Variants in PDPK1 observed in about 807,000 individuals in gnomAD.
PDPK1 encodes 3-phosphoinositide dependent protein kinase 1, also known as 3-phosphoinositide-dependent protein kinase 1.
Under a neutral mutation model 39.8 loss-of-function variants are expected in PDPK1, and 7 were observed. That is an observed-to-expected ratio of 0.18 (90% CI 0.10 to 0.33). The LOEUF is 0.33. Among genes scored for constraint, PDPK1 ranks in the 10% least tolerant of loss-of-function variants. The pLI, the probability that PDPK1 is intolerant of heterozygous loss-of-function variation, is 1.00. For missense variants in PDPK1, 182 were observed against 384.7 expected, an observed-to-expected ratio of 0.47 and a Z score of 4.41; for synonymous variants, 118 against 159.1, an observed-to-expected ratio of 0.74 and a Z score of 1.95.
Position 2,599,777 on chromosome 16 carries a change from A to T in PDPK1, c.*2010A>T, listed in dbSNP as rs1362861079. 8.6e-6 allele frequency: 2 copies of T among 233,608 alleles called. No homozygotes were observed. Among genetic ancestry groups the T allele is most frequent in the African/African-American group, 4.4e-5 (2 of 45,374 alleles). The allele number at this position is 233,608 out of a possible 1,614,324, so 14.5% of individuals were successfully genotyped here. On this transcript the variant is annotated 3_prime_UTR_variant, in exon 14 of 14. Coordinates refer to ENST00000342085, the MANE Select transcript of PDPK1 (RefSeq NM_002613.5). ...CTCCATGTAGGAGAGTGGCTCTCTC[A>T]GATCTCTCAGGGCGTCTGGTTATAG...
At chr16:2,556,322 A>T (rs2066493753) in intron 1 of PDPK1, among the ~76,000 whole-genome samples, 1 of 147,866 alleles carries the variant, frequency 6.8e-6, no homozygotes, top group African/African-American at 2.6e-5. Context: ...CATGGGCTGA[A>T]GTGATCCACC....
rs557285323 is a variant in PDPK1 at position 2,602,796 on chromosome 16, T to A, written c.*5029T>A. On this transcript the variant is annotated 3_prime_UTR_variant, in exon 14 of 14. Coordinates refer to ENST00000342085, the MANE Select transcript of PDPK1 (RefSeq NM_002613.5). ...ACAAAGCAAAAATTAAAAGAACTTA[T>A]GAAAACAAATGCAATGATACTAGGA... is the stretch of plus-strand genomic sequence containing the variant. 4.3e-6 allele frequency: 1 copy of A among 234,260 alleles called. No homozygotes were observed. Among genetic ancestry groups the A allele is most frequent in the Non-Finnish European group, 8.5e-6 (1 of 117,864 alleles). The allele number at this position is 234,260 out of a possible 1,614,324, so 14.5% of individuals were successfully genotyped here.
At chr16:2,577,841 C>T (rs1597052017) in intron 7 of PDPK1, among the ~76,000 whole-genome samples, 1 of 149,300 alleles carries the variant, frequency 6.7e-6, no homozygotes, top group East Asian at 2.0e-4. Flanking sequence ...CGGGTTCAAG[C>T]AATTCTCCTG....
At chr16:2,579,835 C>G (rs2066787704) in intron 7 of PDPK1, 1 of 146,950 alleles carries the variant, frequency 6.8e-6, no homozygotes, top group South Asian at 2.3e-4. Flanking sequence ...CGCCTGTAGG[C>G]CCAGTTACTC....
At chr16:2,538,229 C>G (rs902660128) in intron 1 of PDPK1, 93 bp downstream of exon 1, 1 of 633,152 alleles carries the variant, frequency 1.6e-6, no homozygotes, top group Non-Finnish European at 2.0e-6. Context: ...GGCCCGGGGT[C>G]CCGAGGGCCG....
chr16:2,589,566 T>G (rs1386924428), intron 11 of PDPK1, among the ~76,000 whole-genome samples: 1 of 151,958 alleles, frequency 6.6e-6, no homozygotes, highest in East Asian at 1.9e-4. Context: ...TGCACACCTG[T>G]AGTCCTAGCT....
intron 12 of PDPK1, among the ~76,000 whole-genome samples, chr16:2,596,278 G>A (rs2067100141): frequency 6.6e-6 from 1 of 152,120 alleles, no homozygotes; most frequent in Non-Finnish European, 1.5e-5. Context: ...TGCAAGCTCC[G>A]CCTCCCAGGT....
chr16:2,546,551 C>G (rs1305158332), intron 1 of PDPK1, among the ~76,000 whole-genome samples: 2 of 152,186 alleles, frequency 1.3e-5, no homozygotes, highest in Non-Finnish European at 2.9e-5. Context: ...CCAGGCTGGT[C>G]TTGAACTCCT....
chr16:2,577,926 A>G (rs1033342630), intron 7 of PDPK1, among the ~76,000 whole-genome samples: 1 of 147,676 alleles, frequency 6.8e-6, no homozygotes, highest in African/African-American at 2.6e-5. Context: ...TTTGGTAGAG[A>G]CGGGGTTTCA....
intron 10 of PDPK1, 80 bp from the exon 11 acceptor site, chr16:2,586,596 G>A (rs544661509): frequency 1.9e-5 from 24 of 1,243,026 alleles, no homozygotes; most frequent in African/African-American, 1.9e-4. Context: ...GCCTGACAGC[G>A]GCAGTGCGGG....
intron 11 of PDPK1, among the ~76,000 whole-genome samples, chr16:2,590,985 C>T (rs929476204): frequency 5.0e-5 from 7 of 139,938 alleles, no homozygotes; most frequent in South Asian, 2.3e-4. Context: ...GTTTTTGAAA[C>T]GGAGTCTCAT....
intron 11 of PDPK1, chr16:2,592,973 C>G (rs1468780997): frequency 6.6e-6 from 3 of 456,582 alleles, no homozygotes; most frequent in African/African-American, 4.0e-5. Flanking sequence ...TTCAGTGTCC[C>G]TGGCATGGGT....
In PDPK1 at chr16:2,552,392, T is replaced by C. The variant is rs1286162668; in HGVS notation, c.25-5311T>C. 2.6e-5 allele frequency among the ~76,000 whole-genome samples: 4 copies of C among 151,694 alleles called. No individual in the cohort carries two copies. The South Asian group carries it at 6.3e-4, about 24-fold the overall frequency. On this transcript the variant is annotated intron_variant, in intron 1 of 13. Coordinates refer to ENST00000342085, the MANE Select transcript of PDPK1 (RefSeq NM_002613.5). The stretch of plus-strand genomic sequence containing the variant: ...AACAAAATTCTCAGAAAATGCCCAG[T>C]TTACCCATGGGCTACATTTTTACAA...
In PDPK1 at chr16:2,538,603, G is replaced by A. The variant is rs958083947; in HGVS notation, c.24+467G>A. ...CTTGCTGAAAGCACCTGATGCTCCT[G>A]GGCCCCCTTTTCCAGATTCTTGATG... On this transcript the variant is annotated intron_variant, in intron 1 of 13. Transcript: ENST00000342085. The A allele has an allele frequency of 1.5e-5, 19 of 1,288,532 alleles. No individual in the cohort carries two copies. In the Admixed American group the frequency reaches 3.9e-4, roughly 26 times the overall value. 79.8% of individuals were successfully genotyped at this position (1,288,532 alleles called of 1,614,324 possible).
rs533610862 is a variant in PDPK1 at position 2,602,822 on chromosome 16, T to G, written c.*5055T>G. ...GAAAACAAATGCAATGATACTAGGA[T>G]ATACACTTTTGTATTTTTATTCTTA... On this transcript the variant is annotated 3_prime_UTR_variant, in exon 14 of 14. Coordinates refer to ENST00000342085, the MANE Select transcript of PDPK1 (RefSeq NM_002613.5). 14 of 234,220 alleles carry G rather than the reference T, an allele frequency of 6.0e-5. No individual in the cohort carries two copies. In the East Asian group the frequency reaches 8.5e-4, roughly 14 times the overall value. 14.5% of individuals were successfully genotyped at this position (234,220 alleles called of 1,614,324 possible).
Position 2,597,282 on chromosome 16 carries a change from C to A in PDPK1, c.1554+7C>A. On this transcript the variant is annotated splice_region_variant and intron_variant, in intron 13 of 13. Transcript: ENST00000342085. This position sits in a 1 kb window ranked among gnomAD's most constrained non-coding sequence, Gnocchi z 6.3. ...AACTTTCTTTGTCCACACGGTGAGTCTGTTCCCAGGGATTTCTGTGTGCAG... is the reference window on the plus strand; with the variant it reads ...AACTTTCTTTGTCCACACGGTGAGTATGTTCCCAGGGATTTCTGTGTGCAG... The A allele has an allele frequency of 6.4e-7, 1 of 1,574,140 alleles. No individual in the cohort carries two copies. The highest frequency in any genetic ancestry group is 1.1e-5 in the South Asian group (1 of 87,850).
intron 11 of PDPK1, among the ~76,000 whole-genome samples, chr16:2,587,712 G>A (rs2066905980): frequency 6.6e-6 from 1 of 152,172 alleles, no homozygotes; most frequent in Admixed American, 6.5e-5. Flanking sequence ...CTTTCCCTGT[G>A]TTGGCCAGGC....
At chr16:2,586,947 G>A (rs757674189) in intron 11 of PDPK1, 54 bp downstream of exon 11, 8 of 1,496,164 alleles carry the variant, frequency 5.3e-6, no homozygotes, top group Admixed American at 3.3e-5. Flanking sequence ...GCGTGAACAC[G>A]TGGGGGCTTA....
chr16:2,596,340 C>T (rs1353891030), intron 12 of PDPK1, among the ~76,000 whole-genome samples: 1 of 152,156 alleles, frequency 6.6e-6, no homozygotes, highest in Non-Finnish European at 1.5e-5. Flanking sequence ...CACAGGCGCC[C>T]GCCACCATGC....
Sources: allele counts gnomAD v4.1 joint callset (sites outside exome capture counted in the v4.1 genomes callset), GRCh38; gene constraint gnomAD v4.1.1; non-coding constraint Gnocchi (gnomAD v3.1); transcripts MANE v1.5; gene names NCBI Gene and HGNC (gene_info 2026-07-23, HGNC 2026-07-21).